Variants in FOXO3 observed in about 807,000 individuals in gnomAD.
FOXO3 encodes the protein forkhead box protein O3.
A neutral mutation model predicts 41.9 loss-of-function variants in FOXO3; 4 were observed. That is an observed-to-expected ratio of 0.10 (90% CI 0.05 to 0.22). The LOEUF is 0.22. Ranked by LOEUF, FOXO3 falls within the 10% of genes least tolerant of loss-of-function variation. The pLI, the probability that FOXO3 is intolerant of heterozygous loss-of-function variation, is 1.00. For missense variants in FOXO3, 534 were observed against 906.8 expected (o/e 0.59, Z 5.28); for synonymous variants, 318 against 389.3 (o/e 0.82, Z 2.16).
At chr6:108,656,583 CAG>C (rs1778695673) in intron 1 of FOXO3, 3 of 893,362 alleles carry the variant, frequency 3.4e-6, no homozygotes, top group Non-Finnish European at 4.0e-6. Flanking sequence ...TGGGATCTAA[CAG>C]TTGTTGGGAG....
chr6:108,678,702 T>C (rs1387562796), intron 2 of FOXO3, among the ~76,000 whole-genome samples: 2 of 151,880 alleles, frequency 1.3e-5, no homozygotes, highest in African/African-American at 2.4e-5. Flanking sequence ...ATATGTGTTA[T>C]GTAATTTTTT....
chr6:108,627,524 A>G (rs1212194658), intron 1 of FOXO3, among the ~76,000 whole-genome samples: 1 of 152,176 alleles, frequency 6.6e-6, no homozygotes, highest in African/African-American at 2.4e-5. Context: ...TAACACAGAA[A>G]AAAAGGTAAA....
At chr6:108,603,216 G>A (rs1000087781) in intron 1 of FOXO3, among the ~76,000 whole-genome samples, 1 of 151,994 alleles carries the variant, frequency 6.6e-6, no homozygotes, top group South Asian at 2.1e-4. Context: ...GGATGACTTC[G>A]ATGAGGTTGT....
At chr6:108,665,403 G>A (rs3778586) in intron 2 of FOXO3, among the ~76,000 whole-genome samples, 20,438 of 152,032 alleles carry the variant, frequency 0.13, 1,531 homozygotes, top group African/African-American at 0.2. Context: ...CTTCTAATTT[G>A]CCTGCAGAAT....
intron 2 of FOXO3, among the ~76,000 whole-genome samples, chr6:108,666,331 T>TC (rs1299884943): frequency 1.8e-4 from 27 of 151,120 alleles, no homozygotes; most frequent in African/African-American, 6.4e-4. Context: ...TCTTTTTTTT[T>TC]CTTTTTCTTT....
intron 1 of FOXO3, among the ~76,000 whole-genome samples, chr6:108,625,318 C>T (rs566041071): frequency 1.8e-4 from 27 of 152,046 alleles, no homozygotes; most frequent in Non-Finnish European, 3.8e-4. Flanking sequence ...CTTTATTTAA[C>T]CTTAAAAGAG....
intron 1 of FOXO3, among the ~76,000 whole-genome samples, chr6:108,600,269 G>A (rs552279765): frequency 6.6e-6 from 1 of 152,112 alleles, no homozygotes; most frequent in East Asian, 1.9e-4. Flanking sequence ...TGTGGGCCAG[G>A]TATGGTGGCT....
intron 1 of FOXO3, among the ~76,000 whole-genome samples, chr6:108,614,891 T>C (rs1777451671): frequency 6.6e-6 from 1 of 152,116 alleles, no homozygotes; most frequent in Non-Finnish European, 1.5e-5. Context: ...TTGGTTTTAA[T>C]GAACCCGTGT....
chr6:108,632,885 A>G (rs569849217), intron 1 of FOXO3, among the ~76,000 whole-genome samples: 3 of 152,296 alleles, frequency 2.0e-5, no homozygotes, highest in South Asian at 2.1e-4. Context: ...TGTGTGTTTT[A>G]TAAAACTTTT....
intron 1 of FOXO3, among the ~76,000 whole-genome samples, chr6:108,645,910 G>A (rs1280113286): frequency 6.6e-6 from 1 of 152,196 alleles, no homozygotes; most frequent in East Asian, 1.9e-4. Context: ...AGGAGGGCAT[G>A]TCAGTAAAAT....
At chr6:108,591,784 A>G (rs996576710) in intron 1 of FOXO3, among the ~76,000 whole-genome samples, 3 of 152,190 alleles carry the variant, frequency 2.0e-5, no homozygotes, top group East Asian at 1.9e-4. Flanking sequence ...ACTTTATGCA[A>G]AGTTACTTAT....
At chr6:108,617,721 G>T (rs1234072820) in intron 1 of FOXO3, among the ~76,000 whole-genome samples, 1 of 152,084 alleles carries the variant, frequency 6.6e-6, no homozygotes, top group Non-Finnish European at 1.5e-5. Flanking sequence ...GGAGAGTGGG[G>T]GTGTTTTCAC....
intron 1 of FOXO3, among the ~76,000 whole-genome samples, chr6:108,633,659 G>T (rs1375368443): frequency 6.6e-6 from 1 of 152,120 alleles, no homozygotes; most frequent in African/African-American, 2.4e-5. Flanking sequence ...TTGACATGGT[G>T]CTAGCACATT....
chr6:108,578,020 T>TCATTG (rs1277459886), intron 1 of FOXO3, among the ~76,000 whole-genome samples: 1 of 152,236 alleles, frequency 6.6e-6, no homozygotes, highest in African/African-American at 2.4e-5. Context: ...CTGTTTTAAG[T>TCATTG]CATTGCATAA....
intron 1 of FOXO3, among the ~76,000 whole-genome samples, chr6:108,625,453 T>C (rs1777786268): frequency 6.6e-6 from 1 of 152,214 alleles, no homozygotes; most frequent in Non-Finnish European, 1.5e-5. Flanking sequence ...AGGACCACAG[T>C]TAAAGGTGCA....
At chr6:108,612,566 G>A (rs1337106755) in intron 1 of FOXO3, among the ~76,000 whole-genome samples, 5 of 151,902 alleles carry the variant, frequency 3.3e-5, no homozygotes, top group Non-Finnish European at 5.9e-5. Context: ...TGTAATCCCG[G>A]CTACTCAGGA....
intron 1 of FOXO3, among the ~76,000 whole-genome samples, chr6:108,644,480 C>T (rs1446227613): frequency 6.6e-6 from 1 of 152,118 alleles, no homozygotes; most frequent in East Asian, 1.9e-4. Context: ...ACACTCTGTT[C>T]TCCTCTCTTT....
chr6:108,648,302 G>A (rs1027000932), intron 1 of FOXO3, among the ~76,000 whole-genome samples: 4 of 152,172 alleles, frequency 2.6e-5, no homozygotes, highest in African/African-American at 7.2e-5. Context: ...GGTGGAAGAG[G>A]AAGGTAAAAA....
chr6:108,566,622 A>G (rs1582727086), intron 1 of FOXO3, among the ~76,000 whole-genome samples: 1 of 152,014 alleles, frequency 6.6e-6, no homozygotes, highest in Non-Finnish European at 1.5e-5. Flanking sequence ...AGGTTGCCCC[A>G]CTTACCCAGA....
Sources: allele counts gnomAD v4.1 joint callset (sites outside exome capture counted in the v4.1 genomes callset), GRCh38; gene constraint gnomAD v4.1.1; transcripts MANE v1.5; gene names NCBI Gene and HGNC (gene_info 2026-07-23, HGNC 2026-07-21).